Variants in DMD observed in about 807,000 individuals in gnomAD.
The protein encoded by DMD is dystrophin, also known as mutant dystrophin.
A neutral mutation model predicts 330.1 loss-of-function variants in DMD; 63 were observed. The ratio of observed to expected loss-of-function variants is 0.19; its 90% CI spans 0.16 to 0.24. The LOEUF (loss-of-function observed/expected upper bound fraction) is 0.24, where lower values mean the gene tolerates loss of function less well. DMD is among the 10% of genes least tolerant of loss of function. The probability of loss-of-function intolerance (pLI) is 1.00; values close to 1 mark genes in which losing one functional copy is unlikely to be tolerated. For missense variants in DMD, 3,344 were observed against 2,684.1 expected, an observed-to-expected ratio of 1.25 and a Z score of -5.43; for synonymous variants, 1,223 against 959.8, an observed-to-expected ratio of 1.27 and a Z score of -5.07.
intron 2 of DMD, among the ~76,000 whole-genome samples, chrX:32,864,973 T>C (rs1603450576): frequency 8.9e-6 from 1 of 112,052 alleles, no homozygotes. Context: ...AGTTCCTTAC[T>C]TGAAAGTCTT....
At chrX:32,391,532 A>G (rs748986589) in intron 30 of DMD, among the ~76,000 whole-genome samples, 1 of 112,169 alleles carries the variant, frequency 8.9e-6, no homozygotes, top group Admixed American at 9.5e-5. Context: ...TCAATTATGA[A>G]TTACCTAAAT....
intron 17 of DMD, among the ~76,000 whole-genome samples, chrX:32,543,297 T>C (rs1294634928): frequency 1.8e-5 from 2 of 111,197 alleles, no homozygotes; most frequent in African/African-American, 3.3e-5. Flanking sequence ...CACTAGCCAC[T>C]CTTTCCTGAA....
rs1491392603 is a variant in DMD, at chrX:32,085,616, ACG to A, written c.6439-117104_6439-117103del. ...TATATGTATATATGTGTATATATAT[ACG>A]TATATATATACACATATATACGTAT... is the stretch of plus-strand genomic sequence containing the variant. On this transcript the variant is annotated intron_variant, in intron 44 of 78. Coordinates refer to ENST00000357033, the MANE Select transcript of DMD (RefSeq NM_004006.3). Among the ~76,000 whole-genome samples, 293 of 90,603 alleles carry A rather than the reference ACG, an allele frequency of 3.2e-3. 6 individuals are homozygous for A. Among genetic ancestry groups the A allele is most frequent in the African/African-American group, 0.012 (274 of 23,353 alleles). The allele number at this position is 90,603 out of a possible 115,157, so 78.7% of individuals were successfully genotyped here.
At chrX:31,974,102 T>C (rs1470113142) in intron 44 of DMD, among the ~76,000 whole-genome samples, 2 of 112,013 alleles carry the variant, frequency 1.8e-5, no homozygotes, top group Non-Finnish European at 3.8e-5. Context: ...TGAAATCATG[T>C]CCTTTGCGGA....
chrX:32,987,153 C>T (rs2092864977), intron 2 of DMD, among the ~76,000 whole-genome samples: 1 of 112,033 alleles, frequency 8.9e-6, no homozygotes. Flanking sequence ...TTTGAATTAT[C>T]CAGGCAAAAC....
intron 17 of DMD, among the ~76,000 whole-genome samples, chrX:32,518,885 C>A (rs144509016): frequency 2.8e-5 from 3 of 108,979 alleles, no homozygotes; most frequent in Admixed American, 2.0e-4. Flanking sequence ...GCACTGCCTA[C>A]GTTGAAGAAT....
intron 1 of DMD, among the ~76,000 whole-genome samples, chrX:33,321,736 C>A (rs1426626944): frequency 1.8e-5 from 2 of 112,271 alleles, no homozygotes; most frequent in Non-Finnish European, 3.8e-5. Context: ...GCATCTTCTT[C>A]AAATAGAAGG....
intron 7 of DMD, among the ~76,000 whole-genome samples, chrX:32,800,726 C>A (rs1603428681): frequency 1.8e-5 from 2 of 110,249 alleles, no homozygotes; most frequent in Admixed American, 2.0e-4. Context: ...CCAAAAGGCC[C>A]CAGTGTGTGA....
intron 1 of DMD, among the ~76,000 whole-genome samples, chrX:33,225,385 TAG>T (rs1172875869): frequency 1.8e-5 from 2 of 111,517 alleles, no homozygotes; most frequent in Admixed American, 1.9e-4. Flanking sequence ...TGGAACAGAA[TAG>T]AGACTTCAGA....
chrX:32,619,194 T>A (rs747805451), intron 11 of DMD, among the ~76,000 whole-genome samples: 1 of 111,609 alleles, frequency 9.0e-6, no homozygotes, highest in African/African-American at 3.2e-5. Flanking sequence ...TTATGTTAAG[T>A]GAAATAAGCC....
chrX:32,057,106 C>T (rs753421162), intron 44 of DMD, among the ~76,000 whole-genome samples: 24 of 110,791 alleles, frequency 2.2e-4, no homozygotes, highest in South Asian at 1.1e-3. Flanking sequence ...AGGAATAGAA[C>T]GAAATTACCG....
At chrX:31,187,226 C>G (rs1304275350) in intron 67 of DMD, among the ~76,000 whole-genome samples, 1 of 112,388 alleles carries the variant, frequency 8.9e-6, no homozygotes, top group Non-Finnish European at 1.9e-5. Flanking sequence ...ATCATGTTTG[C>G]TATTGTTATT....
intron 54 of DMD, among the ~76,000 whole-genome samples, chrX:31,637,461 G>C (rs2079483016): frequency 1.8e-5 from 2 of 110,455 alleles, no homozygotes; most frequent in Admixed American, 1.9e-4. Flanking sequence ...TGAATCTGAG[G>C]GTGCATCTGG....
intron 16 of DMD, among the ~76,000 whole-genome samples, chrX:32,548,195 G>C (rs2049166029): frequency 9.0e-6 from 1 of 111,258 alleles, no homozygotes; most frequent in South Asian, 3.7e-4. Context: ...ATTCAGAAAT[G>C]AGTAAAATAG....
At chrX:31,769,813 A>T (rs1353259475) in intron 51 of DMD, among the ~76,000 whole-genome samples, 1 of 111,768 alleles carries the variant, frequency 8.9e-6, no homozygotes, top group Non-Finnish European at 1.9e-5. Flanking sequence ...TCAGTGGACA[A>T]TTATTGTTTA....
At chrX:31,511,670 T>C (rs1299735268) in intron 55 of DMD, among the ~76,000 whole-genome samples, 1 of 109,667 alleles carries the variant, frequency 9.1e-6, no homozygotes, top group East Asian at 2.9e-4. Flanking sequence ...ACTCATCCTT[T>C]TTTTATGGCT....
intron 1 of DMD, among the ~76,000 whole-genome samples, chrX:33,124,910 G>GCTACT (rs1402778034): frequency 9.4e-6 from 1 of 106,556 alleles, no homozygotes; most frequent in Non-Finnish European, 1.9e-5. Flanking sequence ...TGTAATCCCA[G>GCTACT]CTACTCGGGA....
chrX:31,156,663 A>G (rs974798683), intron 74 of DMD, among the ~76,000 whole-genome samples: 1 of 112,280 alleles, frequency 8.9e-6, no homozygotes, highest in African/African-American at 3.2e-5. Context: ...TGCCCAGCCC[A>G]TACTGTGTTC....
In DMD at chrX:32,687,874, T is replaced by A. The variant is rs1029950033; in HGVS notation, c.960+9996A>T. Reference sequence around the variant, plus strand: ...AGGTGAGCTAAGCATTACACAGGTATGCCAAGAGATAACTGAGTCACACAA... The same window carrying A: ...AGGTGAGCTAAGCATTACACAGGTAAGCCAAGAGATAACTGAGTCACACAA... On this transcript the variant is annotated intron_variant, in intron 9 of 78. Transcript: ENST00000357033. Among the ~76,000 whole-genome samples, 5 of 111,591 alleles carry A rather than the reference T, an allele frequency of 4.5e-5. No individual in the cohort carries two copies. The East Asian group carries it at 8.5e-4, about 19-fold the overall frequency.
Sources: gnomAD v4.1 joint callset for allele counts (sites outside exome capture counted in the v4.1 genomes callset) on GRCh38, gnomAD v4.1.1 for gene constraint, MANE v1.5 for transcripts, NCBI Gene and HGNC (gene_info 2026-07-23, HGNC 2026-07-21) for gene names.